Variants in SUPV3L1 observed in about 807,000 individuals in gnomAD.
The protein encoded by SUPV3L1 is ATP-dependent RNA helicase SUPV3L1, mitochondrial.
A neutral mutation model predicts 70.0 loss-of-function variants in SUPV3L1; 35 were observed. The ratio of observed to expected loss-of-function variants is 0.50; its 90% CI spans 0.38 to 0.66. The LOEUF is 0.66. SUPV3L1 is among the 30% of genes least tolerant of loss of function. The pLI, the probability that SUPV3L1 is intolerant of heterozygous loss-of-function variation, is 0.00. For synonymous variants in SUPV3L1, 364 were observed against 341.9 expected, an observed-to-expected ratio of 1.06 and a Z score of -0.71; for missense variants, 777 against 961.5, an observed-to-expected ratio of 0.81 and a Z score of 2.54.
At position 69,202,387 on chromosome 10, in the gene SUPV3L1, C is replaced by CT. The variant is rs200780636; in HGVS notation, c.1519-47dup. 21 of 1,546,454 alleles carry CT rather than the reference C, an allele frequency of 1.4e-5. No individual in the cohort carries two copies. In the African/African-American group the frequency reaches 2.4e-4, roughly 18 times the overall value. The stretch of plus-strand genomic sequence containing the variant: ...GTGCAATAACTTAAGAAAATTTGTC[C>CT]TTTTTGAAAAAAAAAAAATCAGCTT... On this transcript the variant is annotated intron_variant, in intron 11 of 14. Coordinates refer to ENST00000359655, the MANE Select transcript of SUPV3L1 (RefSeq NM_003171.5).
chr10:69,191,939 C>G (rs554518302), intron 6 of SUPV3L1, 173 bp downstream of exon 6: 1 of 453,880 alleles, frequency 2.2e-6, no homozygotes, highest in Non-Finnish European at 4.0e-6. Context: ...CCCAAGTAGC[C>G]GGGATTACAG....
chr10:69,181,469 G>A (rs140879158), intron 1 of SUPV3L1, among the ~76,000 whole-genome samples: 23 of 152,316 alleles, frequency 1.5e-4, no homozygotes, highest in Middle Eastern at 3.4e-3. Flanking sequence ...ACATGTGATG[G>A]AACTCACAGT....
At chr10:69,199,043 C>A in intron 9 of SUPV3L1, 61 bp from the exon 10 acceptor site, 1 of 1,321,766 alleles carries the variant, frequency 7.6e-7, no homozygotes, top group Non-Finnish European at 1.1e-6. Flanking sequence ...CCAAGATGTA[C>A]TTAGCTTGAT....
In SUPV3L1 at chr10:69,186,186, G is replaced by C. The variant is rs534760124; in HGVS notation, c.349+122G>C. The stretch of plus-strand genomic sequence containing the variant: ...GTCTGGAGACACGTCCCTGCTCTTT[G>C]CTTCTGGCTGAGTGGGAGACTGGCG... On this transcript the variant is annotated intron_variant, in intron 2 of 14. Coordinates refer to ENST00000359655, the MANE Select transcript of SUPV3L1 (RefSeq NM_003171.5). The C allele has an allele frequency of 6.5e-6, 6 of 921,788 alleles. No homozygotes were observed. The Admixed American group carries it at 1.2e-4, about 19-fold the overall frequency. 57.1% of individuals were successfully genotyped at this position (921,788 alleles called of 1,614,324 possible). A position where few individuals can be genotyped will look rare whatever the true frequency, so the allele number is the denominator to read the frequency against.
Position 69,202,946 on chromosome 10 carries a change from T to A in SUPV3L1, c.1679T>A (p.Leu560Ter). ...GATGATTTTAAATTTTCTGCAGAGT[T>A]GATCCAGCATATTCCACTAAGTCTG... ...NMDDFKFSAE[L>*]IQHIPLSLRV... is the part of the protein sequence containing the mutation. The change falls in exon 13 of 15, where the codon TTG becomes TAG. Residue 560 changes from leucine to a stop codon, truncating the protein, a stop_gained. Transcript: ENST00000359655. LOFTEE classifies it high-confidence loss of function. 6.2e-7 allele frequency: 1 copy of A among 1,614,172 alleles called. No individual in the cohort carries two copies. The highest frequency in any genetic ancestry group is 8.5e-7 in the Non-Finnish European group (1 of 1,180,014).
chr10:69,193,059 C>T (rs912767293), intron 6 of SUPV3L1: 2 of 152,080 alleles, frequency 1.3e-5, no homozygotes, highest in African/African-American at 4.8e-5. Flanking sequence ...TGTAAGCAAT[C>T]ATATCTTCAT....
Position 69,200,842 on chromosome 10 carries a change from T to C in SUPV3L1, c.1518+343T>C, listed in dbSNP as rs566251975. Among the ~76,000 whole-genome samples, 14 of 152,202 alleles carry C rather than the reference T, an allele frequency of 9.2e-5. No individual in the cohort carries two copies. The South Asian group carries it at 2.9e-3, about 32-fold the overall frequency. ...AGAGCTACATTAGTGGACTGAAAAA[T>C]GACCAGAAGCCTGAATATAGACGAA... is the stretch of plus-strand genomic sequence containing the variant. On this transcript the variant is annotated intron_variant, in intron 11 of 14. Transcript: ENST00000359655.
intron 8 of SUPV3L1, 85 bp from the exon 9 acceptor site, chr10:69,198,287 C>A: frequency 1.6e-6 from 2 of 1,268,374 alleles, no homozygotes; most frequent in Non-Finnish European, 2.2e-6. Context: ...CTACTCTTAA[C>A]TGCATTACAA....
At chr10:69,197,935 A>T (rs1265664376) in intron 8 of SUPV3L1, among the ~76,000 whole-genome samples, 1 of 152,236 alleles carries the variant, frequency 6.6e-6, no homozygotes, top group Non-Finnish European at 1.5e-5. Flanking sequence ...ATAGTGGAAG[A>T]AATTTTGGAG....
chr10:69,197,736 ATTTTTTATT>A (rs1289733874), intron 8 of SUPV3L1, among the ~76,000 whole-genome samples: 1 of 151,956 alleles, frequency 6.6e-6, no homozygotes, highest in Non-Finnish European at 1.5e-5. Flanking sequence ...TGCCCATCTA[ATTTTTTATT>A]TTTTGAGCAG....
At position 69,199,148 on chromosome 10, in the gene SUPV3L1, C is replaced by A. The variant is rs375180008; in HGVS notation, c.1249C>A (p.Pro417Thr). 2.2e-4 allele frequency: 350 copies of A among 1,612,164 alleles called. No homozygotes were observed. Among genetic ancestry groups the A allele is most frequent in the Non-Finnish European group, 2.8e-4 (334 of 1,179,458 alleles). ...AAAAAAGTTTAATGATCCCAATGACCCATGCAAAATCTTGGTTGCTACAGA... is the reference window on the plus strand; with the variant it reads ...AAAAAAGTTTAATGATCCCAATGACACATGCAAAATCTTGGTTGCTACAGA... ...QAKKFNDPND[P>T]CKILVATDAI... Residue 417 changes from proline to threonine, a missense_variant, in exon 10 of 15, where the codon CCA becomes ACA. Physicochemically the swap from Pro to Thr is conservative, Grantham distance 38 (BLOSUM62 -1). This residue lies in a region of SUPV3L1 where 619 missense variants were observed against 823.3 expected (regional missense o/e 0.75). Transcript: ENST00000359655.
In SUPV3L1 at chr10:69,185,974, A is replaced by T. The variant is rs766293613; in HGVS notation, c.272-13A>T. ...AGATAAGGAAACGTTAAATTTTGAC[A>T]TCTCTCTTCTAGATGAAGTAAAGAA... On this transcript the variant is annotated splice_polypyrimidine_tract_variant and intron_variant, in intron 1 of 14. Transcript: ENST00000359655. 1.3e-5 allele frequency: 21 copies of T among 1,591,098 alleles called. No homozygotes were observed. Among genetic ancestry groups the T allele is most frequent in the Admixed American group, 1.8e-5 (1 of 56,358 alleles).
chr10:69,207,163 C>T (rs1230836595), intron 13 of SUPV3L1, among the ~76,000 whole-genome samples: 2 of 152,032 alleles, frequency 1.3e-5, no homozygotes, highest in African/African-American at 4.8e-5. Flanking sequence ...TAAGAGTTAA[C>T]AGACTTAGGC....
At chr10:69,200,567 C>A in intron 11 of SUPV3L1, 68 bp downstream of exon 11, 1 of 1,319,816 alleles carries the variant, frequency 7.6e-7, no homozygotes, top group Non-Finnish European at 1.1e-6. Context: ...ACCCACCATC[C>A]AGACTCTCAC....
intron 7 of SUPV3L1, 42 bp downstream of exon 7, chr10:69,195,307 C>T: frequency 6.7e-7 from 1 of 1,487,228 alleles, no homozygotes; most frequent in Non-Finnish European, 9.1e-7. Flanking sequence ...TTTATGACAT[C>T]TGCGCTGAGA....
intron 5 of SUPV3L1, among the ~76,000 whole-genome samples, chr10:69,189,937 C>T (rs1006400744): frequency 2.6e-5 from 4 of 152,144 alleles, no homozygotes; most frequent in Admixed American, 6.5e-5. Flanking sequence ...TGAGCCACCG[C>T]ACCCAGCTCT....
chr10:69,202,586 C>A, intron 12 of SUPV3L1, 67 bp downstream of exon 12: 2 of 1,433,780 alleles, frequency 1.4e-6, no homozygotes, highest in Non-Finnish European at 1.9e-6. Context: ...ACTGGTTAAC[C>A]TCATGAGCAT....
chr10:69,184,652 C>CACAG (rs3222193), intron 1 of SUPV3L1, among the ~76,000 whole-genome samples: 1 of 149,662 alleles, frequency 6.7e-6, no homozygotes, highest in African/African-American at 2.5e-5. Flanking sequence ...CACACACACA[C>CACAG]TGTGTGTGTA....
At chr10:69,191,875 C>G in intron 6 of SUPV3L1, 109 bp downstream of exon 6, 1 of 706,398 alleles carries the variant, frequency 1.4e-6, no homozygotes, top group African/African-American at 1.8e-5. Flanking sequence ...GGTACTATCT[C>G]GGCTCACTGC....
Sources: gnomAD v4.1 joint callset for allele counts (sites outside exome capture counted in the v4.1 genomes callset) on GRCh38, gnomAD v4.1.1 for gene constraint, gnomAD v4.1.1 regional missense constraint, MANE v1.5 for transcripts, NCBI Gene and HGNC (gene_info 2026-07-23, HGNC 2026-07-21) for gene names.